Variants in CUL2 observed in about 807,000 individuals in gnomAD.
The protein encoded by CUL2 is cullin 2, also known as cullin-2.
Under a neutral mutation model 110.2 loss-of-function variants are expected in CUL2, and 22 were observed. The ratio of observed to expected loss-of-function variants is 0.20; its 90% CI spans 0.14 to 0.28. The LOEUF (loss-of-function observed/expected upper bound fraction) is 0.28, where lower values mean the gene tolerates loss of function less well. CUL2 is among the 10% of genes least tolerant of loss of function. The probability of loss-of-function intolerance (pLI) is 1.00; values close to 1 mark genes in which losing one functional copy is unlikely to be tolerated. For synonymous variants in CUL2, 279 were observed against 293.2 expected, an observed-to-expected ratio of 0.95 and a Z score of 0.49; for missense variants, 631 against 905.5, an observed-to-expected ratio of 0.70 and a Z score of 3.89.
chr10:35,031,341 T>C lies in CUL2; in HGVS notation c.1345A>G (p.Met449Val). The C allele has an allele frequency of 1.2e-6, 2 of 1,608,874 alleles. No individual in the cohort carries two copies. The change falls in exon 14 of 21, where the codon ATG becomes GTG. Residue 449 changes from methionine to valine, a missense_variant. This residue lies in a region of CUL2 where 134 missense variants were observed against 260.4 expected (regional missense o/e 0.51). Transcript: ENST00000374749. The surrounding 1 kb of genome is among the most constrained non-coding windows in gnomAD (Gnocchi z 4.4). ...LAKRLIHGLSMSMDSEEAMIN... is the reference protein window; with the variant it reads ...LAKRLIHGLSVSMDSEEAMIN... Reference sequence around the variant, plus strand: ...ATGGCTTCTTCAGAGTCCATAGACATGGATAACCCATGAATTAAACGTTTT... The same window carrying C: ...ATGGCTTCTTCAGAGTCCATAGACACGGATAACCCATGAATTAAACGTTTT...
intron 4 of CUL2, among the ~76,000 whole-genome samples, chr10:35,057,462 C>T (rs1394085808): frequency 6.6e-6 from 1 of 151,542 alleles, no homozygotes; most frequent in Non-Finnish European, 1.5e-5. Flanking sequence ...ACCAGTCTGG[C>T]CAACATGGTG....
chr10:35,033,098 T>C (rs563885594), intron 11 of CUL2, 68 bp downstream of exon 11: 1 of 885,816 alleles, frequency 1.1e-6, no homozygotes, highest in Admixed American at 2.5e-5. Flanking sequence ...AGAATTCTGA[T>C]CTTGAAACTG....
chr10:35,085,561 G>A (rs2087042206), intron 1 of CUL2, among the ~76,000 whole-genome samples: 1 of 150,702 alleles, frequency 6.6e-6, no homozygotes, highest in African/African-American at 2.4e-5. Context: ...TGGCTAACAC[G>A]GTGAAACTCC....
intron 19 of CUL2, among the ~76,000 whole-genome samples, chr10:35,013,068 C>T (rs1013391170): frequency 1.3e-5 from 2 of 152,068 alleles, no homozygotes; most frequent in Non-Finnish European, 2.9e-5. Context: ...AGGCCAGGCG[C>T]GGTGGTTCAC....
chr10:35,023,089 C>A (rs2085243492), intron 17 of CUL2, among the ~76,000 whole-genome samples: 1 of 152,126 alleles, frequency 6.6e-6, no homozygotes, highest in African/African-American at 2.4e-5. Flanking sequence ...ATTGCTGTGA[C>A]AGTAGATGTT....
chr10:35,099,010 T>C (rs1410420167), intron 2 of CUL2, among the ~76,000 whole-genome samples: 2 of 152,094 alleles, frequency 1.3e-5, no homozygotes. Context: ...ACAAGTCAAA[T>C]GTGGTAAGTC....
At chr10:35,089,810 G>GC (rs72412550) in intron 1 of CUL2, 4,544 of 150,054 alleles carry the variant, frequency 0.03, 75 homozygotes, top group Non-Finnish European at 0.041. Context: ...TGCATGAGAT[G>GC]CCCCCCCCCA....
At chr10:35,070,396 T>C (rs983101675) in intron 2 of CUL2, among the ~76,000 whole-genome samples, 2 of 152,180 alleles carry the variant, frequency 1.3e-5, no homozygotes, top group Non-Finnish European at 2.9e-5. Context: ...GAATTAGGCA[T>C]TCAGAACAAG....
chr10:35,042,074 G>A (rs1337306258), intron 8 of CUL2, among the ~76,000 whole-genome samples: 2 of 151,926 alleles, frequency 1.3e-5, no homozygotes, highest in Non-Finnish European at 2.9e-5. Context: ...ATTAAATAAC[G>A]CTCACTATGT....
chr10:35,111,102 A>G (rs1430853179), intron 1 of CUL2, among the ~76,000 whole-genome samples: 4 of 152,190 alleles, frequency 2.6e-5, no homozygotes, highest in African/African-American at 9.6e-5. Context: ...CTAAGTGCTA[A>G]AAATAAATGA....
Position 35,011,920 on chromosome 10 carries a change from C to T in CUL2, c.2034G>A (p.Met678Ile), listed in dbSNP as rs1172631791. Reference sequence around the variant, plus strand: ...TACGAACTATAGCAGCTTGGAGATACATTTTCCGGTCCTCATCAACTGCAC... The same window carrying T: ...TACGAACTATAGCAGCTTGGAGATATATTTTCCGGTCCTCATCAACTGCAC... ...TRSAVDEDRK[M>I]YLQAAIVRIM... is the part of the protein sequence containing the mutation. The change falls in exon 20 of 21, where the codon ATG (methionine) becomes ATA (isoleucine). Residue 678 changes from methionine to isoleucine, a missense_variant. Physicochemically the swap from Met to Ile is conservative, Grantham distance 10. Transcript: ENST00000374749. 1.2e-6 allele frequency: 2 copies of T among 1,613,414 alleles called. No individual in the cohort carries two copies.
rs1564688939 is a variant in CUL2, at chr10:35,009,198, ATAT to A, written c.*1110_*1112del. On this transcript the variant is annotated 3_prime_UTR_variant, in exon 21 of 21. Transcript: ENST00000374749. ...CTGCTGTTGAGATATATATATATAT[ATAT>A]TATATATATATATATATATAAAATA... 6 of 97,154 alleles carry A rather than the reference ATAT, an allele frequency of 6.2e-5. No homozygotes were observed. The highest frequency in any genetic ancestry group is 1.0e-4 in the Non-Finnish European group (5 of 47,962). The allele number at this position is 97,154 out of a possible 1,614,324, so 6.0% of individuals were successfully genotyped here. A position where few individuals can be genotyped will look rare whatever the true frequency, so the allele number is the denominator to read the frequency against.
chr10:35,100,431 T>C (rs745319292), intron 2 of CUL2, among the ~76,000 whole-genome samples: 1 of 152,162 alleles, frequency 6.6e-6, no homozygotes, highest in Non-Finnish European at 1.5e-5. Flanking sequence ...CACTGTTTTA[T>C]ACTTTATTTT....
chr10:35,089,887 C>T (rs2087163042), intron 1 of CUL2: 1 of 152,234 alleles, frequency 6.6e-6, no homozygotes, highest in Non-Finnish European at 1.5e-5. Context: ...AGAATACACG[C>T]ACTCTCACCT....
chr10:35,093,659 CAAAAAA>C (rs58582764), upstream of CUL2, among the ~76,000 whole-genome samples: 13 of 87,838 alleles, frequency 1.5e-4, no homozygotes, highest in African/African-American at 4.4e-4. Flanking sequence ...GACCTTCTCT[CAAAAAA>C]AAAAAAAAAA....
chr10:35,081,878 T>A (rs1212949199), intron 1 of CUL2, among the ~76,000 whole-genome samples: 2 of 152,126 alleles, frequency 1.3e-5, no homozygotes, highest in African/African-American at 4.8e-5. Flanking sequence ...ATACATTAAA[T>A]CCTGCCTATG....
At chr10:35,028,326 G>T (rs530184701) in intron 16 of CUL2, among the ~76,000 whole-genome samples, 1 of 152,236 alleles carries the variant, frequency 6.6e-6, no homozygotes, top group East Asian at 1.9e-4. Flanking sequence ...TCCTCTATTA[G>T]TTATTACCAC....
intron 4 of CUL2, among the ~76,000 whole-genome samples, chr10:35,056,031 A>C (rs763645574): frequency 6.6e-6 from 1 of 152,198 alleles, no homozygotes; most frequent in Non-Finnish European, 1.5e-5. Flanking sequence ...CTAAGCAAGT[A>C]ACTATTTAAC....
intron 1 of CUL2, among the ~76,000 whole-genome samples, chr10:35,079,180 A>T (rs569244500): frequency 4.3e-4 from 65 of 152,384 alleles, no homozygotes; most frequent in African/African-American, 1.3e-3. Context: ...AGATATAACA[A>T]TTATAACAAT....
Sources: gnomAD v4.1 joint callset for allele counts (sites outside exome capture counted in the v4.1 genomes callset) on GRCh38, gnomAD v4.1.1 for gene constraint, gnomAD v4.1.1 regional missense constraint, Gnocchi (gnomAD v3.1) non-coding constraint, MANE v1.5 for transcripts, NCBI Gene and HGNC (gene_info 2026-07-23, HGNC 2026-07-21) for gene names.